Variants in RDH12 observed in about 807,000 individuals in gnomAD.
The protein encoded by RDH12 is retinol dehydrogenase 12, also known as all-trans and 9-cis retinol dehydrogenase.
A neutral mutation model predicts 34.0 loss-of-function variants in RDH12; 21 were observed. The observed-to-expected ratio is 0.62, with a 90% CI of 0.44 to 0.89. The LOEUF is 0.89. RDH12 is among the 40% of genes least tolerant of loss of function. The probability of loss-of-function intolerance (pLI) is 0.00; values close to 1 mark genes in which losing one functional copy is unlikely to be tolerated. For synonymous variants in RDH12, 198 were observed against 169.9 expected (o/e 1.17, Z -1.29); for missense variants, 394 against 398.6 (o/e 0.99, Z 0.10).
chr14:67,729,372 G>C lies in RDH12; in HGVS notation c.840G>C (p.Lys280Asn). Residue 280 changes from lysine (K) to asparagine (N), a missense_variant, in exon 8 of 9, where the codon AAG becomes AAC. Transcript: ENST00000551171. ...LAEGLEPLSGKYFSDCKRTWV... is the reference protein window; with the variant it reads ...LAEGLEPLSGNYFSDCKRTWV... ...AGGGCCTGGAGCCCCTGAGTGGCAAGTACTTCAGGTGTGTGAAGGCAATGC... is the reference window on the plus strand; with the variant it reads ...AGGGCCTGGAGCCCCTGAGTGGCAACTACTTCAGGTGTGTGAAGGCAATGC... The C allele has an allele frequency of 1.9e-6, 3 of 1,597,562 alleles. No homozygotes were observed. The highest frequency in any genetic ancestry group is 2.5e-6 in the Non-Finnish European group (3 of 1,179,784).
At chr14:67,716,912 A>G (rs2038075334) in intron 1 of RDH12, among the ~76,000 whole-genome samples, 2 of 152,044 alleles carry the variant, frequency 1.3e-5, no homozygotes, top group Admixed American at 6.5e-5. Flanking sequence ...TTTAAAATAA[A>G]TATCCATATA....
rs148334092 is a variant in RDH12 at position 67,725,212 on chromosome 14, G to A, written c.301G>A (p.Asp101Asn). 9.6e-5 allele frequency: 155 copies of A among 1,613,994 alleles called. No individual in the cohort carries two copies. In the African/African-American group the frequency reaches 1.3e-3, roughly 13 times the overall value. ...GCTGGTGCGGAAATTGGACCTATCC[G>A]ACACCAAATCTATCCGAGCCTTTGC... The part of the protein sequence containing the change: ...QVLVRKLDLS[D>N]TKSIRAFAEG... Residue 101 changes from aspartate to asparagine, a missense_variant, in exon 5 of 9, where the codon GAC becomes AAC. Physicochemically the swap from Asp to Asn is conservative, Grantham distance 23 (BLOSUM62 1). Transcript: ENST00000551171.
chr14:67,708,436 A>G lies in RDH12; in HGVS notation c.-275+6501A>G, dbSNP rs1015829086. ...ATTTAAGAACACCTGTTAGAGTTCTATAGCTGATTATAAAACCACCTTCTA... is the reference window on the plus strand; with the variant it reads ...ATTTAAGAACACCTGTTAGAGTTCTGTAGCTGATTATAAAACCACCTTCTA... On this transcript the variant is annotated intron_variant, in intron 1 of 8. Coordinates refer to ENST00000551171, the MANE Select transcript of RDH12 (RefSeq NM_152443.3). Among the ~76,000 whole-genome samples, 4 of 152,200 alleles carry G rather than the reference A, an allele frequency of 2.6e-5. No individual in the cohort carries two copies. The East Asian group carries it at 7.7e-4, about 29-fold the overall frequency.
In RDH12 at chr14:67,726,116, G is replaced by A; in HGVS notation, c.409G>A (p.Ala137Thr). The A allele has an allele frequency of 1.2e-6, 2 of 1,614,036 alleles. No individual in the cohort carries two copies. Among genetic ancestry groups the A allele is most frequent in the South Asian group, 2.2e-5 (2 of 91,072 alleles). ...AATGATGTGTCCATATTCCAAGACA[G>A]CTGATGGCTTTGAAACCCACCTGGG... ...GVMMCPYSKT[A>T]DGFETHLGVN... The change falls in exon 6 of 9, where the codon GCT (alanine) becomes ACT (threonine). Residue 137 changes from alanine to threonine, a missense_variant. Coordinates refer to ENST00000551171, the MANE Select transcript of RDH12 (RefSeq NM_152443.3).
intron 1 of RDH12, among the ~76,000 whole-genome samples, chr14:67,712,729 G>C (rs2038023451): frequency 6.6e-6 from 1 of 152,062 alleles, no homozygotes; most frequent in African/African-American, 2.4e-5. Flanking sequence ...GTTTGATTTA[G>C]GAACCAAACC....
At chr14:67,729,715 C>CTTGA in intron 8 of RDH12, 1 of 533,434 alleles carries the variant, frequency 1.9e-6, no homozygotes, top group South Asian at 1.5e-5. Context: ...TTTTGGCTCA[C>CTTGA]TTGATTCATG....
intron 1 of RDH12, among the ~76,000 whole-genome samples, chr14:67,712,694 A>G (rs1403575837): frequency 1.3e-5 from 2 of 152,272 alleles, no homozygotes; most frequent in Admixed American, 6.5e-5. Context: ...CTATTTCAGA[A>G]GTACCAAGTA....
chr14:67,704,050 G>A (rs1287210930), intron 1 of RDH12, among the ~76,000 whole-genome samples: 4 of 152,244 alleles, frequency 2.6e-5, no homozygotes, highest in Non-Finnish European at 2.9e-5. Flanking sequence ...TGTTGGATTC[G>A]TATTTTTATG....
chr14:67,710,076 T>G (rs751727652), intron 1 of RDH12, among the ~76,000 whole-genome samples: 3 of 152,188 alleles, frequency 2.0e-5, no homozygotes, highest in African/African-American at 7.2e-5. Flanking sequence ...GCCTTTGTTT[T>G]AAGTTGTTCC....
intron 1 of RDH12, among the ~76,000 whole-genome samples, chr14:67,711,122 C>T (rs2038004832): frequency 6.6e-6 from 1 of 152,176 alleles, no homozygotes; most frequent in Non-Finnish European, 1.5e-5. Context: ...AACCTTACTT[C>T]CTGTGGACTA....
At chr14:67,706,529 C>G (rs12892919) in intron 1 of RDH12, among the ~76,000 whole-genome samples, 19,221 of 152,090 alleles carry the variant, frequency 0.13, 1,482 homozygotes, top group South Asian at 0.33. Flanking sequence ...AGGGACAGCT[C>G]GAAGCATGGA....
At chr14:67,702,271 T>G (rs749072024) in intron 1 of RDH12, among the ~76,000 whole-genome samples, 38 of 152,142 alleles carry the variant, frequency 2.5e-4, no homozygotes, top group Admixed American at 5.9e-4. Flanking sequence ...GCCTGGCCTG[T>G]GCTCAGTTTT....
intron 1 of RDH12, among the ~76,000 whole-genome samples, chr14:67,719,959 G>A (rs564258788): frequency 5.3e-5 from 8 of 152,280 alleles, no homozygotes; most frequent in South Asian, 2.1e-4. Flanking sequence ...CATGGAAGTC[G>A]AATGTTTAGG....
intron 2 of RDH12, among the ~76,000 whole-genome samples, chr14:67,721,849 G>A (rs185258917): frequency 6.6e-6 from 1 of 151,908 alleles, no homozygotes; most frequent in East Asian, 1.9e-4. Context: ...TAACAGAGAG[G>A]TTTAGTAACT....
chr14:67,705,832 T>G (rs2037944697), intron 1 of RDH12: 1 of 152,234 alleles, frequency 6.6e-6, no homozygotes, highest in African/African-American at 2.4e-5. Flanking sequence ...TCTTTTTATT[T>G]TCCCTAGGGA....
intron 1 of RDH12, among the ~76,000 whole-genome samples, chr14:67,719,396 T>C (rs547856092): frequency 4.8e-4 from 73 of 152,350 alleles, no homozygotes; most frequent in African/African-American, 1.7e-3. Flanking sequence ...TAAGACCTTT[T>C]CCAAGCAGTT....
intron 1 of RDH12, among the ~76,000 whole-genome samples, chr14:67,711,216 T>A (rs2038005821): frequency 6.6e-6 from 1 of 152,228 alleles, no homozygotes; most frequent in Admixed American, 6.5e-5. Flanking sequence ...AATATCAATG[T>A]CTTATTTATT....
At chr14:67,704,086 G>C (rs1351909931) in intron 1 of RDH12, among the ~76,000 whole-genome samples, 3 of 152,132 alleles carry the variant, frequency 2.0e-5, no homozygotes, top group Non-Finnish European at 4.4e-5. Context: ...TTTTCATTCT[G>C]CAGTTGTTTT....
At chr14:67,712,768 G>A (rs1029876523) in intron 1 of RDH12, among the ~76,000 whole-genome samples, 2 of 152,136 alleles carry the variant, frequency 1.3e-5, no homozygotes, top group African/African-American at 4.8e-5. Flanking sequence ...AAAAAAAGAA[G>A]GCAGAACTTT....
Sources: allele counts gnomAD v4.1 joint callset (sites outside exome capture counted in the v4.1 genomes callset), GRCh38; gene constraint gnomAD v4.1.1; transcripts MANE v1.5; gene names NCBI Gene and HGNC (gene_info 2026-07-23, HGNC 2026-07-21).